The following MED23 variants were observed in gnomAD, a reference collection of about 807,000 sequenced individuals.
MED23 encodes the protein mediator of RNA polymerase II transcription subunit 23.
A neutral mutation model predicts 163.9 loss-of-function variants in MED23; 105 were observed. That is an observed-to-expected ratio of 0.64 (90% CI 0.55 to 0.75). The LOEUF is 0.75. Among genes scored for constraint, MED23 ranks in the 30% least tolerant of loss-of-function variants. The probability of loss-of-function intolerance (pLI) is 0.00; values close to 1 mark genes in which losing one functional copy is unlikely to be tolerated. For missense variants in MED23, 1,054 were observed against 1,649.0 expected (o/e 0.64, Z 6.25); for synonymous variants, 561 against 565.6 (o/e 0.99, Z 0.12).
At chr6:131,620,442 T>C (rs1176288695) in intron 7 of MED23, among the ~76,000 whole-genome samples, 186 bp downstream of exon 7, 3 of 152,074 alleles carry the variant, frequency 2.0e-5, no homozygotes, top group Non-Finnish European at 4.4e-5. Flanking sequence ...TGTGCTACTA[T>C]GCCTGGCTAA....
chr6:131,615,869 T>C, intron 10 of MED23, 38 bp downstream of exon 10: 1 of 1,446,582 alleles, frequency 6.9e-7, no homozygotes, highest in Non-Finnish European at 9.7e-7. Flanking sequence ...GTGCAGATTC[T>C]ATGCAGAATT....
intron 7 of MED23, 84 bp from the exon 8 acceptor site, chr6:131,619,980 T>G (rs1168989127): frequency 1.2e-6 from 1 of 846,000 alleles, no homozygotes; most frequent in East Asian, 2.5e-5. Flanking sequence ...TGAACATTTA[T>G]ATAAAATGAG....
At position 131,628,014 on chromosome 6, in the gene MED23, C is replaced by T; in HGVS notation, c.36G>A (p.Val12=). Residue 12 remains valine, a synonymous_variant, in exon 1 of 29, where the codon GTG becomes GTA. Transcript: ENST00000368068. Reference sequence around the variant, plus strand: ...GATGGCCGGCAGCTGCACTCACCACCACCTCTTCGAAAATGCTCTGCAGTT... The same window carrying T: ...GATGGCCGGCAGCTGCACTCACCACTACCTCTTCGAAAATGCTCTGCAGTT... ...ETQLQSIFEE[V]VKTEVIEEAF... 3 of 1,614,070 alleles carry T rather than the reference C, an allele frequency of 1.9e-6. No homozygotes were observed. The highest frequency in any genetic ancestry group is 2.5e-6 in the Non-Finnish European group (3 of 1,180,032).
At chr6:131,617,644 G>A (rs931109159) in intron 9 of MED23, among the ~76,000 whole-genome samples, 2 of 151,834 alleles carry the variant, frequency 1.3e-5, no homozygotes, top group Middle Eastern at 3.2e-3. Context: ...AATTCCTGAG[G>A]CATTTAAAAA....
At chr6:131,612,650 A>C (rs891800103) in intron 10 of MED23, among the ~76,000 whole-genome samples, 15 of 152,132 alleles carry the variant, frequency 9.9e-5, no homozygotes, top group African/African-American at 3.6e-4. Context: ...AACCTGTTTT[A>C]AGAATATTTA....
chr6:131,582,619 A>G (rs1554251045), downstream of MED23: 3 of 1,611,354 alleles, frequency 1.9e-6, no homozygotes, highest in South Asian at 2.2e-5. Flanking sequence ...TTGTAATTTT[A>G]GATTCCCGAT....
intron 28 of MED23, 149 bp downstream of exon 28, chr6:131,589,316 C>CCTAA (rs1409879759): frequency 1.5e-6 from 1 of 659,474 alleles, no homozygotes; most frequent in East Asian, 2.7e-5. Flanking sequence ...GCCTCTGATG[C>CCTAA]CTAAAAAGGT....
At chr6:131,599,082 T>C (rs1775276677) in intron 18 of MED23, among the ~76,000 whole-genome samples, 1 of 152,238 alleles carries the variant, frequency 6.6e-6, no homozygotes, top group Non-Finnish European at 1.5e-5. Flanking sequence ...TTTGGCTACA[T>C]ATGTTAGTGT....
At chr6:131,597,475 C>CAAA (rs59083644) in intron 20 of MED23, among the ~76,000 whole-genome samples, 861 of 53,666 alleles carry the variant, frequency 0.016, 51 homozygotes, top group African/African-American at 0.054. Context: ...GACTCCATAT[C>CAAA]AAAAAAAAAA....
chr6:131,580,643 G>A (rs1429789773), intron 30 of MED23, among the ~76,000 whole-genome samples: 1 of 152,166 alleles, frequency 6.6e-6, no homozygotes, highest in Non-Finnish European at 1.5e-5. Context: ...CTTTGTTCCT[G>A]GTTGAGTGGG....
chr6:131,616,018 G>A lies in MED23; in HGVS notation c.781-16C>T. The stretch of plus-strand genomic sequence containing the variant: ...CAAACAGATCCTTTAAAGAAAATAA[G>A]AAAATCATTGCTTCAAGATCAATGT... On this transcript the variant is annotated splice_polypyrimidine_tract_variant and intron_variant, in intron 9 of 28. Transcript: ENST00000368068. 6.4e-7 allele frequency: 1 copy of A among 1,574,396 alleles called. No individual in the cohort carries two copies. Among genetic ancestry groups the A allele is most frequent in the Non-Finnish European group, 8.7e-7 (1 of 1,144,764 alleles).
chr6:131,590,479 A>G lies in MED23; in HGVS notation c.3687-37T>C, dbSNP rs1195942312. ...AGATAAAAATCTCCTGTGACTTGAA[A>G]TTATTTAAATTGTTTGAATTTTGTT... On this transcript the variant is annotated intron_variant, in intron 26 of 28. Transcript: ENST00000368068. The G allele has an allele frequency of 3.3e-6, 5 of 1,502,572 alleles. No individual in the cohort carries two copies. The Admixed American group carries it at 8.4e-5, about 25-fold the overall frequency. 93.1% of individuals were successfully genotyped at this position (1,502,572 alleles called of 1,614,324 possible).
rs749047218 is a variant in MED23, at chr6:131,598,952, C to G, written c.2221-191G>C. 1.3e-5 allele frequency among the ~76,000 whole-genome samples: 2 copies of G among 152,180 alleles called. No individual in the cohort carries two copies. Among genetic ancestry groups the G allele is most frequent in the Non-Finnish European group, 2.9e-5 (2 of 68,044 alleles). The stretch of plus-strand genomic sequence containing the variant: ...GCTTGACTAGATTATCTCCAAGATT[C>G]CTTTTCCTAGATTTCCTAAATGGAA... On this transcript the variant is annotated intron_variant, in intron 18 of 28. Coordinates refer to ENST00000368068, the MANE Select transcript of MED23 (RefSeq NM_004830.4). This position sits in a 1 kb window ranked among gnomAD's most constrained non-coding sequence, Gnocchi z 4.7.
At chr6:131,586,708 C>T, downstream of MED23, 2 of 1,388,894 alleles carry the variant, frequency 1.4e-6, no homozygotes, top group Middle Eastern at 1.9e-4. Context: ...ACCTGGCACA[C>T]AGCCGACACT....
chr6:131,603,534 C>T (rs1337486987), intron 15 of MED23, among the ~76,000 whole-genome samples: 1 of 151,844 alleles, frequency 6.6e-6, no homozygotes, highest in African/African-American at 2.4e-5. Context: ...TGTTCCATAC[C>T]TTTTGAAGTA....
intron 9 of MED23, among the ~76,000 whole-genome samples, chr6:131,617,894 A>G (rs1043647336): frequency 3.9e-5 from 6 of 152,230 alleles, no homozygotes; most frequent in Non-Finnish European, 8.8e-5. Context: ...GACTTCAGAT[A>G]TAGTCACATT....
downstream of MED23, chr6:131,583,378 G>A (rs1307053782): frequency 1.2e-6 from 2 of 1,614,166 alleles, no homozygotes; most frequent in Non-Finnish European, 1.7e-6. Flanking sequence ...ATTCATCTAA[G>A]TTTTGATGTT....
At chr6:131,623,540 CTG>C in intron 4 of MED23, 78 bp from the exon 5 acceptor site, 1 of 1,114,556 alleles carries the variant, frequency 9.0e-7, no homozygotes, top group East Asian at 2.4e-5. Flanking sequence ...TATGGTTTGG[CTG>C]TGTACTCACA....
intron 25 of MED23, chr6:131,591,751 G>C: frequency 3.4e-6 from 2 of 594,484 alleles, no homozygotes; most frequent in East Asian, 5.7e-5. Context: ...AGCTCATTTA[G>C]GTACCTGATA....
Sources: allele counts gnomAD v4.1 joint callset (sites outside exome capture counted in the v4.1 genomes callset), GRCh38; gene constraint gnomAD v4.1.1; non-coding constraint Gnocchi (gnomAD v3.1); transcripts MANE v1.5; gene names NCBI Gene and HGNC (gene_info 2026-07-23, HGNC 2026-07-21).